Variants in TMEM212 observed in about 807,000 individuals in gnomAD.
TMEM212 encodes transmembrane protein 212.
A neutral mutation model predicts 20.5 loss-of-function variants in TMEM212; 23 were observed. The ratio of observed to expected loss-of-function variants is 1.12; its 90% CI spans 0.81 to 1.59. The LOEUF (loss-of-function observed/expected upper bound fraction) is 1.59. Ranked by LOEUF, TMEM212 falls within the 40% of genes most tolerant of loss-of-function variation. The pLI, the probability that TMEM212 is intolerant of heterozygous loss-of-function variation, is 0.00. For synonymous variants in TMEM212, 76 were observed against 81.6 expected, an observed-to-expected ratio of 0.93 and a Z score of 0.37; for missense variants, 211 against 215.0, an observed-to-expected ratio of 0.98 and a Z score of 0.12.
intron 1 of TMEM212, among the ~76,000 whole-genome samples, chr3:171,845,549 C>G (rs531166880): frequency 5.3e-5 from 8 of 152,262 alleles, no homozygotes; most frequent in African/African-American, 1.9e-4. Context: ...ATTAAGATTA[C>G]AGATGATTGA....
intron 1 of TMEM212, among the ~76,000 whole-genome samples, chr3:171,844,496 A>G (rs1724788808): frequency 6.6e-6 from 1 of 152,220 alleles, no homozygotes; most frequent in South Asian, 2.1e-4. Flanking sequence ...TCACGAGGTC[A>G]GGAGTTCGAG....
At position 171,858,582 on chromosome 3, in the gene TMEM212, TA is replaced by T. The variant is rs1179830582; in HGVS notation, c.*528del. On this transcript the variant is annotated 3_prime_UTR_variant, in exon 5 of 5. Coordinates refer to ENST00000334567, the MANE Select transcript of TMEM212 (RefSeq NM_001164436.2). ...CCAAAATAGACAAATCGTATCTAAT[TA>T]AACTAAAGGGCTTCTGCATGGCAAA... 4.6e-5 allele frequency: 7 copies of T among 152,052 alleles called. No homozygotes were observed. The highest frequency in any genetic ancestry group is 8.8e-5 in the Non-Finnish European group (6 of 68,026). The allele number at this position is 152,052 out of a possible 1,614,324, so 9.4% of individuals were successfully genotyped here.
intron 1 of TMEM212, 35 bp downstream of exon 1, chr3:171,843,577 T>C: frequency 6.8e-7 from 1 of 1,480,390 alleles, no homozygotes; most frequent in Non-Finnish European, 9.0e-7. Flanking sequence ...ATTGAGAAAA[T>C]AAAAGAAGGT....
At chr3:171,855,122 A>T (rs1298968799) in intron 3 of TMEM212, among the ~76,000 whole-genome samples, 1 of 152,202 alleles carries the variant, frequency 6.6e-6, no homozygotes, top group Non-Finnish European at 1.5e-5. Flanking sequence ...ACTTATTTTT[A>T]ATGCAAGAAG....
chr3:171,853,381 TAA>T, intron 2 of TMEM212, 144 bp from the exon 3 acceptor site: 1 of 700,588 alleles, frequency 1.4e-6, no homozygotes, highest in Admixed American at 3.0e-5. Flanking sequence ...AATGAAAATA[TAA>T]AGAGAGAGTC....
chr3:171,853,518 T>C lies in TMEM212; in HGVS notation c.220-9T>C. The C allele has an allele frequency of 1.3e-6, 2 of 1,528,112 alleles. No individual in the cohort carries two copies. Among genetic ancestry groups the C allele is most frequent in the Non-Finnish European group, 1.8e-6 (2 of 1,142,224 alleles). 94.7% of individuals were successfully genotyped at this position (1,528,112 alleles called of 1,614,324 possible). A position where few individuals can be genotyped will look rare whatever the true frequency, so the allele number is the denominator to read the frequency against. ...CCAAAGTAACAATTTATTTTTGCTT[T>C]ATTTTCAGGGGGAAGCTACTTTCAC... is the stretch of plus-strand genomic sequence containing the variant. On this transcript the variant is annotated splice_polypyrimidine_tract_variant and intron_variant, in intron 2 of 4. Coordinates refer to ENST00000334567, the MANE Select transcript of TMEM212 (RefSeq NM_001164436.2).
At chr3:171,853,417 C>A (rs879039339) in intron 2 of TMEM212, 110 bp from the exon 3 acceptor site, 360 of 779,148 alleles carry the variant, frequency 4.6e-4, no homozygotes, top group East Asian at 6.8e-4. Context: ...CCCTCATTTT[C>A]CAATAGGAGA....
intron 1 of TMEM212, among the ~76,000 whole-genome samples, chr3:171,849,491 A>G (rs1724922430): frequency 6.6e-6 from 1 of 152,220 alleles, no homozygotes; most frequent in Non-Finnish European, 1.5e-5. Flanking sequence ...GGATATCTAC[A>G]TGATAAGGTC....
At chr3:171,854,173 T>C (rs1342059548) in intron 3 of TMEM212, among the ~76,000 whole-genome samples, 1 of 152,168 alleles carries the variant, frequency 6.6e-6, no homozygotes. Flanking sequence ...CTGGAAGTTC[T>C]AGCCAGAGCA....
intron 2 of TMEM212, among the ~76,000 whole-genome samples, chr3:171,852,398 G>T (rs772661970): frequency 6.6e-6 from 1 of 151,958 alleles, no homozygotes; most frequent in Non-Finnish European, 1.5e-5. Flanking sequence ...ACAGGGTTTC[G>T]CCATGTTGGC....
Position 171,853,860 on chromosome 3 carries a change from A to G in TMEM212, c.543+10A>G. 6.5e-7 allele frequency: 1 copy of G among 1,528,372 alleles called. No homozygotes were observed. Among genetic ancestry groups the G allele is most frequent in the Non-Finnish European group, 8.8e-7 (1 of 1,140,606 alleles). The allele number at this position is 1,528,372 out of a possible 1,614,324, so 94.7% of individuals were successfully genotyped here. On this transcript the variant is annotated intron_variant, in intron 3 of 4. Transcript: ENST00000334567. ...GAATGGACACATAAACGTAAGTTTC[A>G]ACAAAGGGGAGGCAGGTTCTTGTTC...
intron 1 of TMEM212, among the ~76,000 whole-genome samples, chr3:171,843,755 T>A (rs1271089910): frequency 6.6e-6 from 1 of 152,216 alleles, no homozygotes; most frequent in Non-Finnish European, 1.5e-5. Context: ...TATACATGTA[T>A]ATTATGTATT....
At chr3:171,856,751 A>C (rs762858380) in intron 4 of TMEM212, 44 bp downstream of exon 4, 3 of 618,692 alleles carry the variant, frequency 4.8e-6, no homozygotes, top group Non-Finnish European at 5.8e-6. Flanking sequence ...CCAGAATATA[A>C]AAGCACACAG....
chr3:171,853,436 G>T, intron 2 of TMEM212, 91 bp from the exon 3 acceptor site: 3 of 1,026,512 alleles, frequency 2.9e-6, no homozygotes, highest in Non-Finnish European at 4.1e-6. Flanking sequence ...GAGATTCATA[G>T]CCAGCATCTC....
At chr3:171,847,516 C>G (rs1428132188) in intron 1 of TMEM212, among the ~76,000 whole-genome samples, 1 of 152,126 alleles carries the variant, frequency 6.6e-6, no homozygotes, top group Non-Finnish European at 1.5e-5. Flanking sequence ...AAAGAAAAAC[C>G]AGAGCTGAAC....
intron 1 of TMEM212, among the ~76,000 whole-genome samples, chr3:171,844,462 C>G (rs1317818046): frequency 1.3e-5 from 2 of 152,206 alleles, no homozygotes; most frequent in African/African-American, 4.8e-5. Flanking sequence ...AATCCCAGCA[C>G]TTTGGGAAGC....
At position 171,853,676 on chromosome 3, in the gene TMEM212, C is replaced by A; in HGVS notation, c.369C>A (p.Thr123=). 1 of 1,537,462 alleles carries A rather than the reference C, an allele frequency of 6.5e-7. No individual in the cohort carries two copies. Among genetic ancestry groups the A allele is most frequent in the Non-Finnish European group, 8.7e-7 (1 of 1,146,926 alleles). The part of the protein sequence containing the change: ...AGTNYLGYAV[T]FPYPYAKFPL... ...CTAATTACCTTGGCTATGCAGTTAC[C>A]TTTCCTTATCCATATGCAAAATTCC... The change falls in exon 3 of 5, where the codon ACC becomes ACA. Residue 123 remains threonine (T), a synonymous_variant. Transcript: ENST00000334567.
chr3:171,848,290 G>A (rs1057146276), intron 1 of TMEM212, among the ~76,000 whole-genome samples: 1 of 152,124 alleles, frequency 6.6e-6, no homozygotes, highest in Non-Finnish European at 1.5e-5. Context: ...TGCCCATGCT[G>A]CTGGTCCTAG....
intron 1 of TMEM212, among the ~76,000 whole-genome samples, chr3:171,851,357 C>A (rs1724972305): frequency 6.6e-6 from 1 of 152,156 alleles, no homozygotes; most frequent in Non-Finnish European, 1.5e-5. Flanking sequence ...CACTGTGGGC[C>A]TTTTTCCTTC....
Sources: allele counts gnomAD v4.1 joint callset (sites outside exome capture counted in the v4.1 genomes callset), GRCh38; gene constraint gnomAD v4.1.1; transcripts MANE v1.5; gene names NCBI Gene and HGNC (gene_info 2026-07-23, HGNC 2026-07-21).